SMARCC1: variants seen among roughly 807,000 people sequenced by gnomAD.
SMARCC1 encodes the protein SWI/SNF related BAF chromatin remodeling complex subunit C1.
Under a neutral mutation model 147.4 loss-of-function variants are expected in SMARCC1, and 43 were observed. The observed-to-expected ratio is 0.29, with a 90% confidence interval of 0.23 to 0.38. The LOEUF (loss-of-function observed/expected upper bound fraction) is 0.38. SMARCC1 is among the 10% of genes least tolerant of loss of function. SMARCC1 has a pLI of 1.00. For synonymous variants in SMARCC1, 495 were observed against 484.4 expected (o/e 1.02, Z -0.29); for missense variants, 1,119 against 1,381.1 (o/e 0.81, Z 3.01).
intron 24 of SMARCC1, among the ~76,000 whole-genome samples, chr3:47,626,462 A>G (rs2032811969): frequency 6.7e-6 from 1 of 150,242 alleles, no homozygotes; most frequent in Non-Finnish European, 1.5e-5. Context: ...TGTCTTTAAA[A>G]AAAAAAAAAA....
intron 26 of SMARCC1, among the ~76,000 whole-genome samples, chr3:47,598,104 A>C (rs1341669092): frequency 1.3e-5 from 2 of 152,118 alleles, no homozygotes; most frequent in Admixed American, 6.5e-5. Flanking sequence ...TCCCTTTTGG[A>C]AGCCCTTTTT....
chr3:47,740,773 G>T (rs1362612241), intron 3 of SMARCC1, among the ~76,000 whole-genome samples: 1 of 151,036 alleles, frequency 6.6e-6, no homozygotes, highest in Non-Finnish European at 1.5e-5. Context: ...CAGCCCTACT[G>T]GCTAGAAGAA....
intron 2 of SMARCC1, among the ~76,000 whole-genome samples, chr3:47,757,387 T>C (rs1351263817): frequency 6.6e-6 from 1 of 152,152 alleles, no homozygotes; most frequent in African/African-American, 2.4e-5. Context: ...AATTAATTAT[T>C]AGCAACTAGA....
chr3:47,654,664 C>A (rs1163229281), intron 21 of SMARCC1, among the ~76,000 whole-genome samples: 3 of 152,166 alleles, frequency 2.0e-5, no homozygotes, highest in Non-Finnish European at 2.9e-5. Flanking sequence ...TGTTCTGTGT[C>A]GCAACATGGC....
intron 14 of SMARCC1, among the ~76,000 whole-genome samples, chr3:47,680,961 A>G (rs978598544): frequency 1.3e-5 from 2 of 152,210 alleles, no homozygotes; most frequent in Non-Finnish European, 2.9e-5. Context: ...TCTATGTATT[A>G]ACAGCATACA....
intron 6 of SMARCC1, among the ~76,000 whole-genome samples, chr3:47,725,024 T>G (rs2034281350): frequency 1.7e-5 from 1 of 60,420 alleles, no homozygotes; most frequent in South Asian, 4.9e-4. Context: ...AGAAAAAGAC[T>G]GTCTCCACAA....
chr3:47,781,460 C>G, intron 1 of SMARCC1, 143 bp downstream of exon 1: 1 of 465,850 alleles, frequency 2.1e-6, no homozygotes, highest in East Asian at 4.2e-5. Flanking sequence ...GAGCGGGCGG[C>G]GGGGGCGTGG....
rs945626145 is a variant in SMARCC1, at chr3:47,590,847, G to A, written c.3044-10C>T. ...GGGCCTGGTATCTGACCTGTGGAGG[G>A]AGATTTAAAGTACTGTAAGTATACT... On this transcript the variant is annotated splice_polypyrimidine_tract_variant and intron_variant, in intron 26 of 27. Transcript: ENST00000254480. The A allele has an allele frequency of 1.9e-6, 3 of 1,599,240 alleles. No individual in the cohort carries two copies. Among genetic ancestry groups the A allele is most frequent in the African/African-American group, 2.7e-5 (2 of 74,134 alleles).
chr3:47,640,852 AAAG>A (rs2033039380), intron 21 of SMARCC1, among the ~76,000 whole-genome samples: 1 of 152,202 alleles, frequency 6.6e-6, no homozygotes, highest in South Asian at 2.1e-4. Context: ...TACTAAAAAA[AAAG>A]AATAGAGCAA....
intron 18 of SMARCC1, among the ~76,000 whole-genome samples, chr3:47,672,007 C>T (rs2033508274): frequency 6.6e-6 from 1 of 152,098 alleles, no homozygotes; most frequent in Non-Finnish European, 1.5e-5. Flanking sequence ...ATCTCTGGGG[C>T]ATTCAATTCA....
chr3:47,663,837 C>T, intron 19 of SMARCC1: 1 of 1,578,400 alleles, frequency 6.3e-7, no homozygotes. Context: ...AGCCAGCGCT[C>T]TCAGCTCATG....
intron 3 of SMARCC1, among the ~76,000 whole-genome samples, chr3:47,742,469 A>C (rs2034519804): frequency 6.6e-6 from 1 of 152,236 alleles, no homozygotes; most frequent in Non-Finnish European, 1.5e-5. Context: ...ACATATAACT[A>C]TACTTCAACT....
At chr3:47,651,408 C>T (rs1284254174) in intron 21 of SMARCC1, among the ~76,000 whole-genome samples, 1 of 152,190 alleles carries the variant, frequency 6.6e-6, no homozygotes, top group East Asian at 1.9e-4. Flanking sequence ...CCACAAATTA[C>T]CTTAACATCT....
intron 24 of SMARCC1, among the ~76,000 whole-genome samples, chr3:47,623,546 A>G (rs1174200255): frequency 6.6e-6 from 1 of 152,196 alleles, no homozygotes; most frequent in East Asian, 1.9e-4. Context: ...AGAGGTGACA[A>G]TGAGGTTTTA....
At chr3:47,603,735 C>A in intron 26 of SMARCC1, 1 of 265,190 alleles carries the variant, frequency 3.8e-6, no homozygotes, top group South Asian at 4.0e-5. Flanking sequence ...AAATGCAATG[C>A]TGTGTATTTC....
At chr3:47,661,757 T>C (rs2033350496) in intron 20 of SMARCC1, among the ~76,000 whole-genome samples, 1 of 151,982 alleles carries the variant, frequency 6.6e-6, no homozygotes, top group South Asian at 2.1e-4. Context: ...GCTTACTAGA[T>C]TAATAAGTCA....
At chr3:47,664,040 T>A in intron 19 of SMARCC1, 1 of 614,850 alleles carries the variant, frequency 1.6e-6, no homozygotes, top group Non-Finnish European at 2.7e-6. Flanking sequence ...GAGAGGCCCA[T>A]GCGTCGTTGG....
At chr3:47,715,187 C>G (rs140431721) in intron 7 of SMARCC1, among the ~76,000 whole-genome samples, 2 of 152,152 alleles carry the variant, frequency 1.3e-5, no homozygotes, top group African/African-American at 4.8e-5. Flanking sequence ...TCCAAATATA[C>G]GCTGATGACT....
intron 5 of SMARCC1, among the ~76,000 whole-genome samples, chr3:47,734,906 T>A (rs939556280): frequency 6.6e-6 from 1 of 152,162 alleles, no homozygotes; most frequent in African/African-American, 2.4e-5. Context: ...TACAGTGGCA[T>A]GCCACCATGC....
Sources: gnomAD v4.1 joint callset for allele counts (sites outside exome capture counted in the v4.1 genomes callset) on GRCh38, gnomAD v4.1.1 for gene constraint, MANE v1.5 for transcripts, NCBI Gene and HGNC (gene_info 2026-07-23, HGNC 2026-07-21) for gene names.